The following GRID2 variants were observed in gnomAD, a reference collection of about 807,000 sequenced individuals.
GRID2 encodes the protein glutamate receptor ionotropic, delta-2.
In GRID2, 33 loss-of-function variants were observed where a neutral mutation model predicts 114.8. That is an observed-to-expected ratio of 0.29 (90% CI 0.22 to 0.38). GRID2 has a LOEUF of 0.38. Ranked by LOEUF, GRID2 falls within the 10% of genes least tolerant of loss-of-function variation. The pLI is 1.00. For missense variants in GRID2, 1,184 were observed against 1,257.7 expected (o/e 0.94, Z 0.89); for synonymous variants, 505 against 449.9 (o/e 1.12, Z -1.55).
intron 2 of GRID2, among the ~76,000 whole-genome samples, chr4:92,927,407 C>T (rs1012962489): frequency 6.6e-6 from 1 of 151,770 alleles, no homozygotes; most frequent in African/African-American, 2.4e-5. Context: ...GGAATCATAG[C>T]CAGTGTGTCA....
intron 2 of GRID2, among the ~76,000 whole-genome samples, chr4:92,755,829 C>A (rs1737689198): frequency 6.6e-6 from 1 of 152,044 alleles, no homozygotes; most frequent in South Asian, 2.1e-4. Context: ...GTTATATTTA[C>A]ATGTTTTTAT....
At chr4:93,652,438 T>A (rs1040806295) in intron 14 of GRID2, among the ~76,000 whole-genome samples, 5 of 152,152 alleles carry the variant, frequency 3.3e-5, no homozygotes, top group Non-Finnish European at 5.9e-5. Context: ...TGCATTTTTC[T>A]CGTAACTTTT....
At chr4:92,678,555 G>A (rs1262253864) in intron 2 of GRID2, among the ~76,000 whole-genome samples, 2 of 151,774 alleles carry the variant, frequency 1.3e-5, no homozygotes, top group East Asian at 1.9e-4. Context: ...ATTAGTGTGG[G>A]TCATGTAGCA....
At chr4:93,201,878 G>C (rs1742142467) in intron 4 of GRID2, among the ~76,000 whole-genome samples, 1 of 152,028 alleles carries the variant, frequency 6.6e-6, no homozygotes, top group Non-Finnish European at 1.5e-5. Context: ...AGTGACAGAT[G>C]GTCTGTCCTT....
chr4:92,602,609 C>A (rs1729269049), intron 2 of GRID2, among the ~76,000 whole-genome samples: 1 of 152,102 alleles, frequency 6.6e-6, no homozygotes, highest in African/African-American at 2.4e-5. Flanking sequence ...ACTGGATTGG[C>A]AAAACCTGGA....
chr4:92,954,840 C>T (rs1329887826), intron 2 of GRID2, among the ~76,000 whole-genome samples: 1 of 141,452 alleles, frequency 7.1e-6, no homozygotes, highest in Non-Finnish European at 1.5e-5. Flanking sequence ...TGTTCAATTC[C>T]CACCTATGAG....
intron 3 of GRID2, among the ~76,000 whole-genome samples, chr4:93,103,041 C>G (rs900232364): frequency 2.6e-5 from 4 of 152,000 alleles, no homozygotes; most frequent in African/African-American, 7.2e-5. Flanking sequence ...ACCAAAATCC[C>G]CCTTCAAAAC....
chr4:92,967,760 G>A (rs947289991), intron 2 of GRID2, among the ~76,000 whole-genome samples: 9 of 151,952 alleles, frequency 5.9e-5, no homozygotes, highest in African/African-American at 1.7e-4. Flanking sequence ...ATTGTAGAAT[G>A]TGGAGGGACA....
chr4:92,963,887 T>C (rs577203612), intron 2 of GRID2, among the ~76,000 whole-genome samples: 42 of 152,146 alleles, frequency 2.8e-4, no homozygotes, highest in African/African-American at 8.4e-4. Context: ...GGCTGCAGAA[T>C]GGATGTTGTG....
At chr4:92,430,753 G>GT (rs879251258) in intron 1 of GRID2, among the ~76,000 whole-genome samples, 6 of 151,932 alleles carry the variant, frequency 3.9e-5, no homozygotes, top group Non-Finnish European at 8.8e-5. Context: ...GAATATCTCC[G>GT]TTTTTTGTGT....
rs1242652489 is a variant in GRID2, at chr4:92,536,071, C to G, written c.89-54060C>G. On this transcript the variant is annotated intron_variant, in intron 1 of 15. Coordinates refer to ENST00000282020, the MANE Select transcript of GRID2 (RefSeq NM_001510.4). Reference sequence around the variant, plus strand: ...GGATACATTGCAAAGAGCAAAAGAACAAAGCCTCCACAGCAAGGAAAGGAA... The same window carrying G: ...GGATACATTGCAAAGAGCAAAAGAAGAAAGCCTCCACAGCAAGGAAAGGAA... Among the ~76,000 whole-genome samples, 9 of 152,168 alleles carry G rather than the reference C, an allele frequency of 5.9e-5. No individual in the cohort carries two copies. The East Asian group carries it at 1.4e-3, about 23-fold the overall frequency.
At chr4:93,099,918 G>A (rs567817519) in intron 3 of GRID2, among the ~76,000 whole-genome samples, 3 of 151,970 alleles carry the variant, frequency 2.0e-5, no homozygotes, top group South Asian at 2.1e-4. Flanking sequence ...GATTGCAAAT[G>A]TTTATGATTA....
intron 2 of GRID2, among the ~76,000 whole-genome samples, chr4:92,829,632 C>T (rs372618729): frequency 1.3e-5 from 2 of 152,238 alleles, no homozygotes; most frequent in Admixed American, 6.5e-5. Flanking sequence ...CATATGCACA[C>T]ATATGTTTAT....
At chr4:93,806,061 C>A (rs1735022562) in intron 1 of GRID2, among the ~76,000 whole-genome samples, 1 of 152,008 alleles carries the variant, frequency 6.6e-6, no homozygotes, top group Non-Finnish European at 1.5e-5. Flanking sequence ...AACGCCACAG[C>A]ACTCCCGCCT....
intron 8 of GRID2, among the ~76,000 whole-genome samples, chr4:93,371,632 C>A (rs903656626): frequency 2.6e-5 from 4 of 150,976 alleles, no homozygotes; most frequent in Non-Finnish European, 4.4e-5. Context: ...TGTTACAATT[C>A]AAACTAGGAA....
intron 1 of GRID2, among the ~76,000 whole-genome samples, chr4:92,331,874 T>C (rs747180550): frequency 6.6e-6 from 1 of 152,320 alleles, no homozygotes; most frequent in African/African-American, 2.4e-5. Context: ...AGCATTATTT[T>C]CCCCTACCTC....
intron 1 of GRID2, among the ~76,000 whole-genome samples, chr4:92,475,367 A>G (rs1168989074): frequency 6.6e-6 from 1 of 151,324 alleles, no homozygotes; most frequent in African/African-American, 2.4e-5. Flanking sequence ...AAGTAAGGAT[A>G]TAATTTCAGT....
At chr4:93,594,398 G>C (rs2149623592) in intron 13 of GRID2, among the ~76,000 whole-genome samples, 1 of 152,328 alleles carries the variant, frequency 6.6e-6, no homozygotes, top group African/African-American at 2.4e-5. Context: ...ACTTGAGGAG[G>C]CAGTCCGCCC....
chr4:92,555,318 A>G (rs952652162), intron 1 of GRID2, among the ~76,000 whole-genome samples: 26 of 152,194 alleles, frequency 1.7e-4, no homozygotes, highest in African/African-American at 6.3e-4. Flanking sequence ...GATTTAGATC[A>G]TATGAAACTG....
Sources: gnomAD v4.1 joint callset for allele counts (sites outside exome capture counted in the v4.1 genomes callset) on GRCh38, gnomAD v4.1.1 for gene constraint, MANE v1.5 for transcripts, NCBI Gene and HGNC (gene_info 2026-07-23, HGNC 2026-07-21) for gene names.